MYCBPAP: variants seen among roughly 807,000 people sequenced by gnomAD.
MYCBPAP encodes the protein MYCBP-associated protein.
Under a neutral mutation model 106.1 loss-of-function variants are expected in MYCBPAP, and 60 were observed. The ratio of observed to expected loss-of-function variants is 0.57; its 90% CI spans 0.46 to 0.70. The LOEUF (loss-of-function observed/expected upper bound fraction) is 0.70. Ranked by LOEUF, MYCBPAP falls within the 30% of genes least tolerant of loss-of-function variation. MYCBPAP has a pLI of 0.00. For missense variants in MYCBPAP, 1,064 were observed against 1,169.3 expected (o/e 0.91, Z 1.31); for synonymous variants, 407 against 440.6 (o/e 0.92, Z 0.95).
chr17:50,521,216 C>T lies in MYCBPAP; in HGVS notation c.1023C>T (p.Phe341=). 6.2e-7 allele frequency: 1 copy of T among 1,611,786 alleles called. No individual in the cohort carries two copies. Among genetic ancestry groups the T allele is most frequent in the Non-Finnish European group, 8.5e-7 (1 of 1,179,012 alleles). ...AGAGAATCATGGAAGAGCTGGATTT[C>T]AGCCAGCAGGTTGGTATGGCCTCCA... ...ELQRIMEELD[F]SQQDIDGLEV... The change falls in exon 8 of 19, where the codon TTC becomes TTT. Residue 341 remains phenylalanine, a synonymous_variant. Coordinates refer to ENST00000323776, the MANE Select transcript of MYCBPAP (RefSeq NM_032133.6).
Position 50,521,297 on chromosome 17 carries a change from C to G in MYCBPAP, c.1033-19C>G, listed in dbSNP as rs752394126. ...CCTGTCTTCAGTCAGCTCATCTTAC[C>G]TTTCTCCATCTCTCGGAGGATATTG... On this transcript the variant is annotated intron_variant, in intron 8 of 18. Coordinates refer to ENST00000323776, the MANE Select transcript of MYCBPAP (RefSeq NM_032133.6). 1.1e-5 allele frequency: 17 copies of G among 1,594,522 alleles called. No individual in the cohort carries two copies. The highest frequency in any genetic ancestry group is 1.5e-5 in the Non-Finnish European group (17 of 1,169,406).
At chr17:50,523,176 T>C in intron 11 of MYCBPAP, 48 bp downstream of exon 11, 1 of 1,579,630 alleles carries the variant, frequency 6.3e-7, no homozygotes, top group Non-Finnish European at 8.7e-7. Context: ...CTGGGGCTGG[T>C]TTTGTCCTCC....
Position 50,509,185 on chromosome 17 carries a change from T to C in MYCBPAP, c.76+435T>C. On this transcript the variant is annotated intron_variant, in intron 1 of 18. Coordinates refer to ENST00000323776, the MANE Select transcript of MYCBPAP (RefSeq NM_032133.6). ...GAAACCAGCCACCTTGATGGGATTA[T>C]TTGGTAGAGGAGGGTCGGGGAGCGG... The C allele has an allele frequency of 8.5e-6, 6 of 702,354 alleles. No homozygotes were observed. In the South Asian group the frequency reaches 8.9e-5, roughly 10 times the overall value. The allele number at this position is 702,354 out of a possible 1,614,324, so 43.5% of individuals were successfully genotyped here. A position where few individuals can be genotyped will look rare whatever the true frequency, so the allele number is the denominator to read the frequency against.
At chr17:50,517,568 T>G in intron 3 of MYCBPAP, 27 bp from the exon 4 acceptor site, 2 of 1,613,774 alleles carry the variant, frequency 1.2e-6, no homozygotes, top group Non-Finnish European at 1.7e-6. Flanking sequence ...CACAGCTTCT[T>G]TCCCCTTTCT....
At chr17:50,513,529 T>A (rs1481415549) in intron 1 of MYCBPAP, among the ~76,000 whole-genome samples, 1 of 152,240 alleles carries the variant, frequency 6.6e-6, no homozygotes, top group Non-Finnish European at 1.5e-5. Context: ...GACCAGAGTT[T>A]TACTATTTCA....
chr17:50,521,490 A>T, intron 9 of MYCBPAP, 59 bp downstream of exon 9: 1 of 1,303,474 alleles, frequency 7.7e-7, no homozygotes, highest in South Asian at 1.3e-5. Flanking sequence ...ACCTACCAGT[A>T]TTAAAGAGCG....
At position 50,512,053 on chromosome 17, in the gene MYCBPAP, CT is replaced by C. The variant is rs774304337; in HGVS notation, c.76+3319del. Among the ~76,000 whole-genome samples the C allele has an allele frequency of 4.7e-3, 620 of 131,786 alleles. 5 individuals are homozygous for C. Among genetic ancestry groups the C allele is most frequent in the African/African-American group, 0.015 (499 of 34,138 alleles). The allele number at this position is 131,786 out of a possible 152,430, so 86.5% of individuals were successfully genotyped here. A position where few individuals can be genotyped will look rare whatever the true frequency, so the allele number is the denominator to read the frequency against. On this transcript the variant is annotated intron_variant, in intron 1 of 18. Coordinates refer to ENST00000323776, the MANE Select transcript of MYCBPAP (RefSeq NM_032133.6). The stretch of plus-strand genomic sequence containing the variant: ...CCTCTCCACCTCCCCAGCAAGTTTT[CT>C]TTTTTTTTTTTTTTTGAGACGGAGT...
In MYCBPAP at chr17:50,510,656, G is replaced by T. The variant is rs1296647522; in HGVS notation, c.76+1906G>T. ...ACCTCCTGCCTCAGCCTCCCAAGTT[G>T]CTAGTATTACAGGTGCACACCACCA... On this transcript the variant is annotated intron_variant, in intron 1 of 18. Transcript: ENST00000323776. Among the ~76,000 whole-genome samples, 23 of 147,550 alleles carry T rather than the reference G, an allele frequency of 1.6e-4. No individual in the cohort carries two copies. The Admixed American group carries it at 1.6e-3, about 10-fold the overall frequency.
intron 13 of MYCBPAP, among the ~76,000 whole-genome samples, chr17:50,525,266 G>A (rs2412326): frequency 0.52 from 78,835 of 152,116 alleles, 21,652 homozygotes; most frequent in East Asian, 0.83. Flanking sequence ...CTGATGATCT[G>A]AGGTGGAAGT....
intron 4 of MYCBPAP, among the ~76,000 whole-genome samples, chr17:50,517,960 A>G (rs1353006680): frequency 6.6e-6 from 1 of 152,172 alleles, no homozygotes; most frequent in Non-Finnish European, 1.5e-5. Context: ...GTCTGGGTAG[A>G]CTGCACCCAA....
At position 50,518,961 on chromosome 17, in the gene MYCBPAP, CCT is replaced by C. The variant is rs746689664; in HGVS notation, c.653-4_653-3del. 3 of 1,608,824 alleles carry C rather than the reference CCT, an allele frequency of 1.9e-6. No homozygotes were observed. The African/African-American group carries it at 4.0e-5, about 22-fold the overall frequency. On this transcript the variant is annotated splice_polypyrimidine_tract_variant and intron_variant, in intron 5 of 18. Coordinates refer to ENST00000323776, the MANE Select transcript of MYCBPAP (RefSeq NM_032133.6). Reference sequence around the variant, plus strand: ...GTTCGGCAGAGTGGCGGCAATCTTGCCTCTCTCTCTAGAACACCTAAAGAAGC... The same window carrying C: ...GTTCGGCAGAGTGGCGGCAATCTTGCCTCTCTCTAGAACACCTAAAGAAGC...
intron 1 of MYCBPAP, chr17:50,508,982 G>A (rs2033721443): frequency 7.1e-6 from 5 of 702,796 alleles, no homozygotes; most frequent in South Asian, 4.4e-5. Flanking sequence ...GACTGACAGA[G>A]GGGCCTCAGG....
Position 50,514,992 on chromosome 17 carries a change from G to T in MYCBPAP, c.77-1578G>T, listed in dbSNP as rs182113638. 707 of 367,344 alleles carry T rather than the reference G, an allele frequency of 1.9e-3. 2 individuals carry two copies. Among genetic ancestry groups the T allele is most frequent in the Non-Finnish European group, 3.1e-3 (553 of 177,144 alleles). The allele number at this position is 367,344 out of a possible 1,614,324, so 22.8% of individuals were successfully genotyped here. On this transcript the variant is annotated intron_variant, in intron 1 of 18. Coordinates refer to ENST00000323776, the MANE Select transcript of MYCBPAP (RefSeq NM_032133.6). ...TCACTGAGCTCTTCACGATATGGCG[G>T]CTGCTGCTGTCTCTGGGCTCTGCCT... is the stretch of plus-strand genomic sequence containing the variant.
intron 6 of MYCBPAP, 109 bp from the exon 7 acceptor site, chr17:50,519,531 C>G (rs1302328229): frequency 1.5e-6 from 2 of 1,318,374 alleles, no homozygotes; most frequent in Non-Finnish European, 2.1e-6. Flanking sequence ...CAATGAATTC[C>G]CCAGAGGAAG....
intron 4 of MYCBPAP, 109 bp downstream of exon 4, chr17:50,517,807 G>C: frequency 1.1e-6 from 1 of 903,102 alleles, no homozygotes; most frequent in Non-Finnish European, 1.8e-6. Flanking sequence ...CTAGTCTGTA[G>C]GTTTTGAGTC....
chr17:50,525,212 G>A (rs1268692559), intron 13 of MYCBPAP, 189 bp downstream of exon 13: 1 of 611,638 alleles, frequency 1.6e-6, no homozygotes, highest in East Asian at 3.0e-5. Flanking sequence ...CTGCGCATGC[G>A]AGGGATGGAA....
Position 50,525,906 on chromosome 17 carries a change from A to C in MYCBPAP, c.1808A>C (p.Gln603Pro). The part of the protein sequence containing the change: ...PPLHYEHQVV[Q>P]SLHQLWRQYM... ...CTGCATTATGAGCACCAAGTGGTGC[A>C]AAGCCTGCACCAACTGTGGCGCCAG... Residue 603 changes from glutamine to proline, a missense_variant, in exon 14 of 19, where the codon CAA becomes CCA. By Grantham distance (76) the Gln-to-Pro change is moderately conservative (BLOSUM62 -1). Transcript: ENST00000323776. The C allele has an allele frequency of 6.2e-7, 1 of 1,611,202 alleles. No individual in the cohort carries two copies. The highest frequency in any genetic ancestry group is 8.5e-7 in the Non-Finnish European group (1 of 1,179,358).
In MYCBPAP at chr17:50,508,754, G is replaced by A. The variant is rs760648646; in HGVS notation, c.76+4G>A. On this transcript the variant is annotated splice_donor_region_variant and intron_variant, in intron 1 of 18. Coordinates refer to ENST00000323776, the MANE Select transcript of MYCBPAP (RefSeq NM_032133.6). ...GAGGCCTCAGAGAATGTCAAAGGTT[G>A]GCGCTGGCTGCCTTGGGCGCTCGGG... The A allele has an allele frequency of 1.8e-5, 29 of 1,607,298 alleles. No homozygotes were observed. The African/African-American group carries it at 3.9e-4, about 22-fold the overall frequency.
At chr17:50,513,341 C>G (rs1186634934) in intron 1 of MYCBPAP, among the ~76,000 whole-genome samples, 2 of 151,110 alleles carry the variant, frequency 1.3e-5, no homozygotes, top group Non-Finnish European at 2.9e-5. Flanking sequence ...GAGCTGAGAT[C>G]ACACCACTGC....
Sources: allele counts gnomAD v4.1 joint callset (sites outside exome capture counted in the v4.1 genomes callset), GRCh38; gene constraint gnomAD v4.1.1; transcripts MANE v1.5; gene names NCBI Gene and HGNC (gene_info 2026-07-23, HGNC 2026-07-21).